NCOA3: variants seen among roughly 807,000 people sequenced by gnomAD.
The protein encoded by NCOA3 is CBP-interacting protein.
Under a neutral mutation model 158.8 loss-of-function variants are expected in NCOA3, and 51 were observed. The observed-to-expected ratio is 0.32, with a 90% confidence interval of 0.26 to 0.41. The LOEUF is 0.41. NCOA3 is among the 10% of genes least tolerant of loss of function. The pLI is 1.00. For missense variants in NCOA3, 1,510 were observed against 1,746.6 expected (o/e 0.86, Z 2.41); for synonymous variants, 537 against 592.4 (o/e 0.91, Z 1.36).
At chr20:47,541,062 T>C (rs556561327) in intron 1 of NCOA3, among the ~76,000 whole-genome samples, 1 of 152,190 alleles carries the variant, frequency 6.6e-6, no homozygotes, top group East Asian at 1.9e-4. Context: ...TAGATCATGC[T>C]TTCTACATGT....
At chr20:47,653,126 G>T in intron 22 of NCOA3, 54 bp downstream of exon 22, 1 of 1,580,886 alleles carries the variant, frequency 6.3e-7, no homozygotes, top group South Asian at 1.1e-5. Context: ...TCTCTGGATA[G>T]AACTAAAGCC....
At chr20:47,577,464 TTCTC>T (rs2085389769) in intron 1 of NCOA3, among the ~76,000 whole-genome samples, 1 of 152,212 alleles carries the variant, frequency 6.6e-6, no homozygotes, top group South Asian at 2.1e-4. Context: ...AGGGTAGTTT[TTCTC>T]TATTCTTTCC....
chr20:47,645,198 C>T (rs1481400168), intron 17 of NCOA3, among the ~76,000 whole-genome samples: 2 of 152,102 alleles, frequency 1.3e-5, no homozygotes, highest in Non-Finnish European at 2.9e-5. Flanking sequence ...CTCTGCCTCA[C>T]TCCTTTCTTA....
intron 1 of NCOA3, among the ~76,000 whole-genome samples, chr20:47,524,627 CAGAA>C (rs1375495930): frequency 6.6e-6 from 1 of 152,166 alleles, no homozygotes; most frequent in African/African-American, 2.4e-5. Flanking sequence ...AGGGAGAAGA[CAGAA>C]AGAGGAAGCT....
At chr20:47,581,295 C>CT (rs2085448868) in intron 1 of NCOA3, among the ~76,000 whole-genome samples, 1 of 152,262 alleles carries the variant, frequency 6.6e-6, no homozygotes, top group South Asian at 2.1e-4. Flanking sequence ...GACACTTATG[C>CT]TTCTAAGCAT....
At chr20:47,542,801 A>G (rs941981892) in intron 1 of NCOA3, among the ~76,000 whole-genome samples, 3 of 152,070 alleles carry the variant, frequency 2.0e-5, no homozygotes, top group African/African-American at 7.2e-5. Context: ...ATCTATACAA[A>G]CAATACAAAA....
rs1170628032 is a variant in NCOA3, at chr20:47,653,413, G to A, written c.4271G>A (p.Cys1424Tyr). The change falls in exon 23 of 23, where the codon TGC becomes TAC. Residue 1424 changes from cysteine (C) to tyrosine (Y), a missense_variant. Transcript: ENST00000371998. ...TTTCCTGGTTGCTGACAGAAATACT[G>A]CTGACATCTCTGCACCAGGACCTCT... ...GMPMGPDQKY[C>Y] is the part of the protein sequence containing the mutation. 6 of 1,514,258 alleles carry A rather than the reference G, an allele frequency of 4.0e-6. No homozygotes were observed. The highest frequency in any genetic ancestry group is 4.5e-6 in the Non-Finnish European group (5 of 1,111,480). 93.8% of individuals were successfully genotyped at this position (1,514,258 alleles called of 1,614,324 possible). A position where few individuals can be genotyped will look rare whatever the true frequency, so the allele number is the denominator to read the frequency against.
chr20:47,507,610 T>TTTGTTG (rs11472962), intron 1 of NCOA3, among the ~76,000 whole-genome samples: 3,512 of 151,582 alleles, frequency 0.023, 47 homozygotes, highest in African/African-American at 0.048. Context: ...CCAACAACTT[T>TTTGTTG]TTGTTGTTGT....
At chr20:47,606,601 A>C (rs1242986338) in intron 2 of NCOA3, among the ~76,000 whole-genome samples, 2 of 151,882 alleles carry the variant, frequency 1.3e-5, no homozygotes, top group African/African-American at 4.8e-5. Flanking sequence ...CTGTCGTTTT[A>C]ATGTTCTGTG....
At chr20:47,647,751 TAG>T (rs2086711958) in intron 18 of NCOA3, among the ~76,000 whole-genome samples, 1 of 152,154 alleles carries the variant, frequency 6.6e-6, no homozygotes, top group Non-Finnish European at 1.5e-5. Context: ...TTTATAAAAC[TAG>T]AGTTGTCTTT....
intron 2 of NCOA3, among the ~76,000 whole-genome samples, chr20:47,618,911 G>A (rs2086190558): frequency 6.6e-6 from 1 of 152,182 alleles, no homozygotes; most frequent in African/African-American, 2.4e-5. Context: ...TTAAGAGATT[G>A]TCATGACTTA....
At chr20:47,578,180 A>G (rs954598465) in intron 1 of NCOA3, among the ~76,000 whole-genome samples, 21 of 152,152 alleles carry the variant, frequency 1.4e-4, no homozygotes, top group Admixed American at 3.9e-4. Flanking sequence ...ACCATTTTAT[A>G]TAACTTTATT....
At chr20:47,575,347 A>G (rs2085355794) in intron 1 of NCOA3, among the ~76,000 whole-genome samples, 1 of 152,154 alleles carries the variant, frequency 6.6e-6, no homozygotes, top group Admixed American at 6.6e-5. Flanking sequence ...GCTTTTGCAA[A>G]CCATGTTGAA....
chr20:47,627,096 A>C lies in NCOA3; in HGVS notation c.452A>C (p.Asp151Ala). 6.2e-6 allele frequency: 10 copies of C among 1,612,978 alleles called. No homozygotes were observed. The highest frequency in any genetic ancestry group is 7.6e-6 in the Non-Finnish European group (9 of 1,178,994). ...VTQYLQYKQE[D>A]LVNTSVYNIL... The stretch of plus-strand genomic sequence containing the variant: ...CAATACCTGCAATATAAGCAAGAGG[A>C]CCTGGTTAACACAAGTGTTTACAAT... Residue 151 changes from aspartate to alanine, a missense_variant, in exon 6 of 23, where the codon GAC (aspartate) becomes GCC (alanine). Asp to Ala is a moderately radical substitution (Grantham distance 126). Coordinates refer to ENST00000371998, the MANE Select transcript of NCOA3 (RefSeq NM_181659.3).
At chr20:47,643,909 G>A (rs922311995) in intron 17 of NCOA3, among the ~76,000 whole-genome samples, 2 of 150,926 alleles carry the variant, frequency 1.3e-5, no homozygotes, top group Non-Finnish European at 3.0e-5. Flanking sequence ...CATGTGACCC[G>A]TTTATTCTCT....
At chr20:47,513,777 G>A (rs1411371607) in intron 1 of NCOA3, among the ~76,000 whole-genome samples, 1 of 148,630 alleles carries the variant, frequency 6.7e-6, no homozygotes, top group African/African-American at 2.5e-5. Flanking sequence ...AAACTGATAT[G>A]AATCCTTCCC....
At chr20:47,568,550 C>T (rs2085237711) in intron 1 of NCOA3, among the ~76,000 whole-genome samples, 1 of 152,222 alleles carries the variant, frequency 6.6e-6, no homozygotes, top group East Asian at 1.9e-4. Context: ...CATCCCAGCA[C>T]TTGGGGAAGC....
At chr20:47,509,318 C>T (rs2084078078) in intron 1 of NCOA3, among the ~76,000 whole-genome samples, 1 of 152,160 alleles carries the variant, frequency 6.6e-6, no homozygotes, top group African/African-American at 2.4e-5. Flanking sequence ...GACTTGAGCC[C>T]AGGAGGTTGA....
intron 1 of NCOA3, among the ~76,000 whole-genome samples, chr20:47,577,812 C>T (rs1020504265): frequency 1.1e-4 from 17 of 152,176 alleles, no homozygotes; most frequent in African/African-American, 9.7e-5. Flanking sequence ...TCTGTTTTCA[C>T]TGCGTTATTA....
Sources: gnomAD v4.1 joint callset for allele counts (sites outside exome capture counted in the v4.1 genomes callset) on GRCh38, gnomAD v4.1.1 for gene constraint, MANE v1.5 for transcripts, NCBI Gene and HGNC (gene_info 2026-07-23, HGNC 2026-07-21) for gene names.